The following SEMA5A variants were observed in gnomAD, a reference collection of about 807,000 sequenced individuals.
SEMA5A encodes the protein semaphorin-5A.
In SEMA5A, 55 loss-of-function variants were observed where a neutral mutation model predicts 135.5. The ratio of observed to expected loss-of-function variants is 0.41; its 90% CI spans 0.33 to 0.51. SEMA5A has a LOEUF of 0.51. Ranked by LOEUF, SEMA5A falls within the 20% of genes least tolerant of loss-of-function variation. The probability of loss-of-function intolerance (pLI) is 0.37; values close to 1 mark genes in which losing one functional copy is unlikely to be tolerated. For synonymous variants in SEMA5A, 580 were observed against 546.5 expected, an observed-to-expected ratio of 1.06 and a Z score of -0.85; for missense variants, 1,290 against 1,419.9, an observed-to-expected ratio of 0.91 and a Z score of 1.47.
At chr5:9,359,052 T>C (rs1438182131) in intron 3 of SEMA5A, among the ~76,000 whole-genome samples, 2 of 152,070 alleles carry the variant, frequency 1.3e-5, no homozygotes, top group Non-Finnish European at 2.9e-5. Context: ...TTTCCTCTCC[T>C]AGACAGGCCC....
chr5:9,191,218 G>C (rs1042572558), intron 10 of SEMA5A, among the ~76,000 whole-genome samples: 46 of 152,270 alleles, frequency 3.0e-4, no homozygotes, highest in Middle Eastern at 3.4e-3. Flanking sequence ...ATTTCAGATA[G>C]AGCAAATATC....
At chr5:9,043,626 T>G (rs912921870) in intron 22 of SEMA5A, among the ~76,000 whole-genome samples, 1 of 152,186 alleles carries the variant, frequency 6.6e-6, no homozygotes, top group Admixed American at 6.5e-5. Flanking sequence ...AGGATTAAAA[T>G]GAAGATGAAG....
chr5:9,344,982 G>C (rs1314574553), intron 3 of SEMA5A, among the ~76,000 whole-genome samples: 2 of 152,096 alleles, frequency 1.3e-5, no homozygotes, highest in Admixed American at 6.5e-5. Flanking sequence ...AGGTTCCTTT[G>C]CTGGTCTATT....
At chr5:9,148,263 A>G (rs1468979406) in intron 12 of SEMA5A, among the ~76,000 whole-genome samples, 1 of 152,214 alleles carries the variant, frequency 6.6e-6, no homozygotes, top group Admixed American at 6.5e-5. Context: ...AGGAACATTC[A>G]TTTATTCAAA....
At chr5:9,254,354 A>C (rs977977925) in intron 5 of SEMA5A, among the ~76,000 whole-genome samples, 1 of 152,218 alleles carries the variant, frequency 6.6e-6, no homozygotes, top group Non-Finnish European at 1.5e-5. Context: ...GGAGGATTAC[A>C]CAGCGATGCC....
intron 1 of SEMA5A, among the ~76,000 whole-genome samples, chr5:9,482,697 G>A (rs985743176): frequency 8.5e-5 from 13 of 152,172 alleles, no homozygotes; most frequent in African/African-American, 3.1e-4. Flanking sequence ...ACAGAGACAG[G>A]GAGACACGCA....
chr5:9,170,544 G>A (rs1426909666), intron 11 of SEMA5A, among the ~76,000 whole-genome samples: 1 of 152,114 alleles, frequency 6.6e-6, no homozygotes, highest in Non-Finnish European at 1.5e-5. Context: ...TGGAGGTGGG[G>A]GGCTTTGGGA....
At chr5:9,412,618 G>A (rs1216647951) in intron 2 of SEMA5A, among the ~76,000 whole-genome samples, 11 of 137,382 alleles carry the variant, frequency 8.0e-5, no homozygotes, top group African/African-American at 2.7e-4. Flanking sequence ...TTGGATTTTG[G>A]GATATTGGCA....
chr5:9,146,471 C>T (rs901063857), intron 12 of SEMA5A, among the ~76,000 whole-genome samples: 1 of 152,104 alleles, frequency 6.6e-6, no homozygotes, highest in African/African-American at 2.4e-5. Context: ...GATTAATTCC[C>T]TTACTACTGG....
intron 18 of SEMA5A, among the ~76,000 whole-genome samples, chr5:9,059,175 T>C (rs1410560623): frequency 2.0e-5 from 3 of 150,928 alleles, no homozygotes; most frequent in African/African-American, 7.4e-5. Flanking sequence ...TCTTTTCTTT[T>C]TTTTTTTTAT....
intron 7 of SEMA5A, among the ~76,000 whole-genome samples, chr5:9,225,922 T>C (rs1424220588): frequency 6.6e-6 from 1 of 152,182 alleles, no homozygotes; most frequent in Non-Finnish European, 1.5e-5. Context: ...CTGCTTGCTC[T>C]GCTATGAGAT....
chr5:9,282,867 G>A (rs1750612961), intron 5 of SEMA5A, among the ~76,000 whole-genome samples: 1 of 152,148 alleles, frequency 6.6e-6, no homozygotes. Context: ...AAGGGGGAAA[G>A]TTTAGATTGC....
intron 10 of SEMA5A, 71 bp downstream of exon 10, chr5:9,197,097 C>T: frequency 6.3e-7 from 1 of 1,594,750 alleles, no homozygotes; most frequent in Non-Finnish European, 8.6e-7. Context: ...ATTACCCTTG[C>T]CTGTCTACAC....
At chr5:9,535,511 T>A (rs980831028) in intron 1 of SEMA5A, among the ~76,000 whole-genome samples, 12 of 151,914 alleles carry the variant, frequency 7.9e-5, no homozygotes, top group African/African-American at 2.7e-4. Context: ...TGACATTCAG[T>A]GTGACATTCT....
intron 16 of SEMA5A, among the ~76,000 whole-genome samples, chr5:9,080,328 C>G (rs549103630): frequency 6.6e-6 from 1 of 152,092 alleles, no homozygotes; most frequent in Non-Finnish European, 1.5e-5. Context: ...TGTTCTCACT[C>G]ATAAGTAGGA....
chr5:9,099,914 C>T (rs891217490), intron 16 of SEMA5A, among the ~76,000 whole-genome samples: 5 of 152,210 alleles, frequency 3.3e-5, no homozygotes, highest in African/African-American at 1.2e-4. Flanking sequence ...ACTCTCGACA[C>T]TCTGTGTGCA....
At position 9,171,107 on chromosome 5, in the gene SEMA5A, C is replaced by T. The variant is rs538690513; in HGVS notation, c.1274-16412G>A. On this transcript the variant is annotated intron_variant, in intron 11 of 22. Transcript: ENST00000382496. The stretch of plus-strand genomic sequence containing the variant: ...TAGAATGATGGCAAAAAGATGCCTA[C>T]ACCTCCATCAATCCTTCCTTGTGAA... Among the ~76,000 whole-genome samples, 38 of 152,336 alleles carry T rather than the reference C, an allele frequency of 2.5e-4. 2 individuals are homozygous for T. In the South Asian group the frequency reaches 7.7e-3, roughly 31 times the overall value.
At chr5:9,522,352 AT>A (rs1736881068) in intron 1 of SEMA5A, among the ~76,000 whole-genome samples, 1 of 152,098 alleles carries the variant, frequency 6.6e-6, no homozygotes, top group Non-Finnish European at 1.5e-5. Flanking sequence ...GGAGGCTAAG[AT>A]GGGCAGATCA....
chr5:9,155,165 C>T (rs753292720), intron 11 of SEMA5A, among the ~76,000 whole-genome samples: 1 of 152,178 alleles, frequency 6.6e-6, no homozygotes, highest in Non-Finnish European at 1.5e-5. Flanking sequence ...CCTCCTCCTT[C>T]CTGCCACGAG....
Sources: gnomAD v4.1 joint callset for allele counts (sites outside exome capture counted in the v4.1 genomes callset) on GRCh38, gnomAD v4.1.1 for gene constraint, MANE v1.5 for transcripts, NCBI Gene and HGNC (gene_info 2026-07-23, HGNC 2026-07-21) for gene names.